The following NEDD4L variants were observed in gnomAD, a reference collection of about 807,000 sequenced individuals.
NEDD4L encodes E3 ubiquitin-protein ligase NEDD4-like.
Under a neutral mutation model 148.9 loss-of-function variants are expected in NEDD4L, and 54 were observed. The ratio of observed to expected loss-of-function variants is 0.36; its 90% CI spans 0.29 to 0.45. The LOEUF (loss-of-function observed/expected upper bound fraction) is 0.45, where lower values mean the gene tolerates loss of function less well. Ranked by LOEUF, NEDD4L falls within the 20% of genes least tolerant of loss-of-function variation. The pLI, the probability that NEDD4L is intolerant of heterozygous loss-of-function variation, is 1.00. For synonymous variants in NEDD4L, 433 were observed against 440.7 expected, an observed-to-expected ratio of 0.98 and a Z score of 0.22; for missense variants, 856 against 1,233.8, an observed-to-expected ratio of 0.69 and a Z score of 4.59.
At chr18:58,109,896 A>C (rs953765428) in intron 1 of NEDD4L, among the ~76,000 whole-genome samples, 37 of 152,224 alleles carry the variant, frequency 2.4e-4, no homozygotes, top group African/African-American at 8.7e-4. Context: ...CAGGGAAGCA[A>C]TTTGATGATA....
chr18:58,296,338 G>C (rs2055567186), intron 5 of NEDD4L, among the ~76,000 whole-genome samples: 1 of 152,186 alleles, frequency 6.6e-6, no homozygotes, highest in Non-Finnish European at 1.5e-5. Context: ...AAGCCTGACC[G>C]GTCTTTGCCT....
intron 1 of NEDD4L, among the ~76,000 whole-genome samples, chr18:58,080,703 G>A (rs1481239667): frequency 1.3e-5 from 2 of 152,226 alleles, no homozygotes; most frequent in African/African-American, 4.8e-5. Flanking sequence ...AGAGGGTGGT[G>A]TGTGTGTTAA....
intron 6 of NEDD4L, among the ~76,000 whole-genome samples, chr18:58,319,953 A>G (rs1421406007): frequency 6.6e-6 from 1 of 152,174 alleles, no homozygotes; most frequent in Non-Finnish European, 1.5e-5. Flanking sequence ...TTACTGCCCC[A>G]TTTTATAGAT....
intron 1 of NEDD4L, chr18:58,044,984 AG>A: frequency 2.3e-6 from 1 of 433,956 alleles, no homozygotes; most frequent in Non-Finnish European, 4.1e-6. Flanking sequence ...GAGGAGAGGG[AG>A]GGGGCATGCG....
chr18:58,400,385 T>A lies in NEDD4L; in HGVS notation c.*4116T>A, dbSNP rs2050775086. On this transcript the variant is annotated 3_prime_UTR_variant, in exon 31 of 31. Coordinates refer to ENST00000400345, the MANE Select transcript of NEDD4L (RefSeq NM_001144967.3). ...TTTAAAACTGGGGAAAAATGTGATA[T>A]TCTTTGGACCACTTTTTTAATTTAT... The A allele has an allele frequency of 6.6e-6, 1 of 152,218 alleles. No individual in the cohort carries two copies. Among genetic ancestry groups the A allele is most frequent in the South Asian group, 2.1e-4 (1 of 4,838 alleles). The allele number at this position is 152,218 out of a possible 1,614,324, so 9.4% of individuals were successfully genotyped here.
chr18:58,194,356 A>G (rs918607452), intron 2 of NEDD4L, among the ~76,000 whole-genome samples: 1 of 152,212 alleles, frequency 6.6e-6, no homozygotes, highest in Non-Finnish European at 1.5e-5. Context: ...CCGGTCACCC[A>G]TGCCCTGGTC....
intron 22 of NEDD4L, 47 bp from the exon 23 acceptor site, chr18:58,370,350 G>A (rs2046693081): frequency 9.3e-7 from 1 of 1,079,622 alleles, no homozygotes; most frequent in Non-Finnish European, 1.4e-6. Context: ...CTGATACATA[G>A]CAGTGTCAAA....
intron 8 of NEDD4L, 34 bp from the exon 9 acceptor site, chr18:58,324,962 A>G: frequency 6.3e-7 from 1 of 1,591,022 alleles, no homozygotes; most frequent in East Asian, 2.2e-5. Flanking sequence ...CGAAGAACCA[A>G]CCTCATAATC....
chr18:58,379,255 T>C (rs1204469024), intron 24 of NEDD4L, among the ~76,000 whole-genome samples: 1 of 152,184 alleles, frequency 6.6e-6, no homozygotes, highest in Non-Finnish European at 1.5e-5. Flanking sequence ...CTTTGCTGGA[T>C]TTCTGCCTCC....
intron 2 of NEDD4L, among the ~76,000 whole-genome samples, chr18:58,198,268 T>G (rs1440853109): frequency 6.6e-6 from 1 of 152,216 alleles, no homozygotes; most frequent in Non-Finnish European, 1.5e-5. Context: ...TTTGAAAAAT[T>G]GGATGGCACC....
intron 14 of NEDD4L, 115 bp from the exon 15 acceptor site, chr18:58,341,563 A>T: frequency 1.8e-6 from 2 of 1,141,240 alleles, no homozygotes; most frequent in Non-Finnish European, 2.5e-6. Context: ...TCCACGCTTT[A>T]AATAGGCCAG....
chr18:58,390,612 G>C (rs751324031), intron 28 of NEDD4L, 34 bp from the exon 29 acceptor site: 12 of 1,377,948 alleles, frequency 8.7e-6, no homozygotes, highest in South Asian at 4.9e-5. Flanking sequence ...TGGGTCACGT[G>C]GGGGGTATAA....
At chr18:58,140,412 T>C (rs1160733288) in intron 1 of NEDD4L, among the ~76,000 whole-genome samples, 1 of 152,246 alleles carries the variant, frequency 6.6e-6, no homozygotes, top group African/African-American at 2.4e-5. Flanking sequence ...AGACTGGTGC[T>C]GCCTGCTGTG....
At chr18:58,173,589 G>T (rs1458120738) in intron 2 of NEDD4L, among the ~76,000 whole-genome samples, 2 of 152,172 alleles carry the variant, frequency 1.3e-5, no homozygotes, top group Non-Finnish European at 2.9e-5. Context: ...GCTCACCTCA[G>T]TCCCCTTTAC....
intron 5 of NEDD4L, among the ~76,000 whole-genome samples, chr18:58,288,414 A>T (rs2054233042): frequency 6.6e-6 from 1 of 152,252 alleles, no homozygotes; most frequent in African/African-American, 2.4e-5. Context: ...GTGGACATAT[A>T]AGTATCAGAC....
At chr18:58,156,404 T>G (rs2035501666) in intron 1 of NEDD4L, among the ~76,000 whole-genome samples, 1 of 152,256 alleles carries the variant, frequency 6.6e-6, no homozygotes, top group South Asian at 2.1e-4. Flanking sequence ...CTTTTCACTA[T>G]GAAATAGATG....
Position 58,360,742 on chromosome 18 carries a change from TTGTGTG to T in NEDD4L, c.1768-3500_1768-3495del, listed in dbSNP as rs10665833. On this transcript the variant is annotated intron_variant, in intron 19 of 30. Transcript: ENST00000400345. ...ATTATTGCCTAGTTCAGTTTATAAT[TTGTGTG>T]TGTGTGTGTGTGTGTGTGTGTGTGT... Among the ~76,000 whole-genome samples, 222 of 146,078 alleles carry T rather than the reference TTGTGTG, an allele frequency of 1.5e-3. 2 individuals are homozygous for T. The highest frequency in any genetic ancestry group is 0.01 in the East Asian group (50 of 4,962).
At chr18:58,137,733 G>A (rs977048733) in intron 1 of NEDD4L, among the ~76,000 whole-genome samples, 3 of 152,014 alleles carry the variant, frequency 2.0e-5, no homozygotes, top group Non-Finnish European at 4.4e-5. Context: ...ATACCCTGTC[G>A]CTACCACATC....
intron 1 of NEDD4L, among the ~76,000 whole-genome samples, chr18:58,103,282 A>T (rs1365383919): frequency 2.1e-5 from 3 of 144,330 alleles, no homozygotes; most frequent in African/African-American, 7.6e-5. Flanking sequence ...AATTATATAT[A>T]ATATATATAA....
Sources: allele counts gnomAD v4.1 joint callset (sites outside exome capture counted in the v4.1 genomes callset), GRCh38; gene constraint gnomAD v4.1.1; transcripts MANE v1.5; gene names NCBI Gene and HGNC (gene_info 2026-07-23, HGNC 2026-07-21).